Variants in GIT1 observed in about 807,000 individuals in gnomAD.
GIT1 encodes the protein ARF GTPase-activating protein GIT1.
GIT1 carries 14 observed loss-of-function variants against 91.7 expected under a neutral mutation model. The ratio of observed to expected loss-of-function variants is 0.15; its 90% CI spans 0.10 to 0.24. The LOEUF (loss-of-function observed/expected upper bound fraction) is 0.24. Among genes scored for constraint, GIT1 ranks in the 10% least tolerant of loss-of-function variants. GIT1 has a pLI of 1.00. For synonymous variants in GIT1, 414 were observed against 418.2 expected (o/e 0.99, Z 0.12); for missense variants, 717 against 1,024.9 (o/e 0.70, Z 4.10).
intron 8 of GIT1, 52 bp from the exon 9 acceptor site, chr17:29,578,423 C>T: frequency 3.3e-6 from 5 of 1,513,812 alleles, no homozygotes; most frequent in Non-Finnish European, 4.6e-6. Flanking sequence ...CTCCCAGTGC[C>T]AAGGCCAGCT....
intron 1 of GIT1, among the ~76,000 whole-genome samples, chr17:29,584,260 A>G (rs3115095): frequency 0.12 from 18,203 of 152,240 alleles, 1,414 homozygotes; most frequent in Non-Finnish European, 0.17. Context: ...AGGACATGCT[A>G]CCTCTGTGAT....
At position 29,574,303 on chromosome 17, in the gene GIT1, AG is replaced by A. The variant is rs2033102347; in HGVS notation, c.*398del. 1 of 243,156 alleles carries A rather than the reference AG, an allele frequency of 4.1e-6. No individual in the cohort carries two copies. The highest frequency in any genetic ancestry group is 5.2e-5 in the Admixed American group (1 of 19,328). 15.1% of individuals were successfully genotyped at this position (243,156 alleles called of 1,614,324 possible). On this transcript the variant is annotated 3_prime_UTR_variant, in exon 20 of 20. Transcript: ENST00000225394. ...TACAAAGGAGGGGATGCCCCCGCTCAGCCCCCAGTAGGGCTGAACTGGCTCA... is the reference window on the plus strand; with the variant it reads ...TACAAAGGAGGGGATGCCCCCGCTCACCCCCAGTAGGGCTGAACTGGCTCA...
chr17:29,579,692 C>T (rs2033332383), intron 7 of GIT1, among the ~76,000 whole-genome samples: 1 of 151,910 alleles, frequency 6.6e-6, no homozygotes, highest in Admixed American at 6.6e-5. Flanking sequence ...CACCGCACTC[C>T]AGCCTGGGCA....
At chr17:29,588,288 A>G (rs994460404) in intron 1 of GIT1, among the ~76,000 whole-genome samples, 4 of 152,162 alleles carry the variant, frequency 2.6e-5, no homozygotes, top group Non-Finnish European at 4.4e-5. Flanking sequence ...CTCCTTTGCT[A>G]AAGAAAGAAT....
chr17:29,586,269 A>G (rs952623796), intron 1 of GIT1, among the ~76,000 whole-genome samples: 2 of 152,196 alleles, frequency 1.3e-5, no homozygotes, highest in African/African-American at 4.8e-5. Context: ...ACAAATTCAT[A>G]AACTTTCTTA....
intron 1 of GIT1, among the ~76,000 whole-genome samples, chr17:29,586,347 C>T (rs1205344534): frequency 2.0e-5 from 3 of 152,012 alleles, no homozygotes; most frequent in African/African-American, 7.2e-5. Context: ...TTTAGCTCAC[C>T]AGCTATCATT....
At chr17:29,583,059 T>C in intron 2 of GIT1, 22 bp from the exon 3 acceptor site, 1 of 1,459,404 alleles carries the variant, frequency 6.9e-7, no homozygotes, top group Non-Finnish European at 9.6e-7. Flanking sequence ...AGATGCCAAG[T>C]GAGAGAGTGC....
rs1423897998 is a variant in GIT1, at chr17:29,581,143, G to A, written c.761+195C>T. On this transcript the variant is annotated intron_variant, in intron 7 of 19. Transcript: ENST00000225394. This position sits in a 1 kb window ranked among gnomAD's most constrained non-coding sequence, Gnocchi z 4.8. ...ACAGTCACGGGGCTCAGGCTATGCGGGCCACATATGGAGCTGACATTTTTT... is the reference window on the plus strand; with the variant it reads ...ACAGTCACGGGGCTCAGGCTATGCGAGCCACATATGGAGCTGACATTTTTT... 1.3e-5 allele frequency: 8 copies of A among 611,252 alleles called. No individual in the cohort carries two copies. Among genetic ancestry groups the A allele is most frequent in the East Asian group, 1.1e-4 (4 of 36,286 alleles). 37.9% of individuals were successfully genotyped at this position (611,252 alleles called of 1,614,324 possible).
Position 29,581,635 on chromosome 17 carries a change from C to T in GIT1, c.718+107G>A. 1.2e-6 allele frequency: 1 copy of T among 856,134 alleles called. No individual in the cohort carries two copies. Among genetic ancestry groups the T allele is most frequent in the Non-Finnish European group, 1.9e-6 (1 of 526,042 alleles). The allele number at this position is 856,134 out of a possible 1,614,324, so 53.0% of individuals were successfully genotyped here. On this transcript the variant is annotated intron_variant, in intron 6 of 19. Transcript: ENST00000225394. The surrounding 1 kb of genome is among the most constrained non-coding windows in gnomAD (Gnocchi z 4.8). Reference sequence around the variant, plus strand: ...AGCCAGTTGCCTAGCAACATTGCTCCCCAGCCGCTCTGTCACCATGGCACC... The same window carrying T: ...AGCCAGTTGCCTAGCAACATTGCTCTCCAGCCGCTCTGTCACCATGGCACC...
rs969674531 is a variant in GIT1, at chr17:29,574,826, G to T, written c.2162C>A (p.Pro721His). 1 of 1,609,970 alleles carries T rather than the reference G, an allele frequency of 6.2e-7. No homozygotes were observed. The highest frequency in any genetic ancestry group is 1.7e-5 in the Admixed American group (1 of 59,778). The change falls in exon 20 of 20, where the codon CCC (proline) becomes CAC (histidine). Residue 721 changes from proline (P) to histidine (H), a missense_variant. Around this residue, in one of 3 missense-constraint regions of GIT1, gnomAD observed 134 missense variants for 223.8 expected, o/e 0.60. Coordinates refer to ENST00000225394, the MANE Select transcript of GIT1 (RefSeq NM_014030.4). ...GTCCACTGGGGCGCCGGGCTCTGGG[G>T]GCACTGTCTTCCGGCACTCACTCTG... Reference protein sequence around the residue: ...RLQSECRKTVPPEPGAPVDFQ... With the variant: ...RLQSECRKTVHPEPGAPVDFQ...
chr17:29,577,270 C>A, intron 10 of GIT1, 23 bp from the exon 11 acceptor site: 4 of 1,601,554 alleles, frequency 2.5e-6, no homozygotes, highest in Non-Finnish European at 2.6e-6. Context: ...AAGGGCCAGG[C>A]TGGCTTCAGG....
Position 29,581,865 on chromosome 17 carries a change from G to A in GIT1, c.624-29C>T. On this transcript the variant is annotated intron_variant, in intron 5 of 19. Transcript: ENST00000225394. The surrounding 1 kb of genome is among the most constrained non-coding windows in gnomAD (Gnocchi z 4.8). ...TGAGGAGGGGGTATGGCTCAGACCT[G>A]CAGCAGCAGCCCTCACCCACACCCC... 1.2e-6 allele frequency: 2 copies of A among 1,609,558 alleles called. No individual in the cohort carries two copies. Among genetic ancestry groups the A allele is most frequent in the African/African-American group, 1.3e-5 (1 of 74,974 alleles).
intron 1 of GIT1, 153 bp from the exon 2 acceptor site, chr17:29,583,769 T>C: frequency 1.2e-6 from 1 of 829,478 alleles, no homozygotes; most frequent in Non-Finnish European, 1.8e-6. Context: ...TACGGCCAGG[T>C]TACCAGTGAG....
At chr17:29,588,632 G>A (rs1373840645) in intron 1 of GIT1, among the ~76,000 whole-genome samples, 6 of 152,084 alleles carry the variant, frequency 3.9e-5, no homozygotes, top group Admixed American at 3.9e-4. Context: ...AGGCCTTACC[G>A]GTGAACAGGA....
In GIT1 at chr17:29,575,510, T is replaced by C. The variant is rs529383600; in HGVS notation, c.1827-40A>G. Reference sequence around the variant, plus strand: ...CAGAAAACAGAGACAAAGATACATATAGAGAAAGACACGTTCCAGCCTCGG... The same window carrying C: ...CAGAAAACAGAGACAAAGATACATACAGAGAAAGACACGTTCCAGCCTCGG... On this transcript the variant is annotated intron_variant, in intron 17 of 19. Transcript: ENST00000225394. The surrounding 1 kb of genome is among the most constrained non-coding windows in gnomAD (Gnocchi z 5.5). 25 of 1,581,044 alleles carry C rather than the reference T, an allele frequency of 1.6e-5. No homozygotes were observed. The highest frequency in any genetic ancestry group is 1.4e-4 in the African/African-American group (10 of 73,880).
chr17:29,588,725 G>A (rs1406098401), intron 1 of GIT1, among the ~76,000 whole-genome samples: 2 of 152,194 alleles, frequency 1.3e-5, no homozygotes, highest in African/African-American at 4.8e-5. Flanking sequence ...GGTCTAGACT[G>A]GCCCTGAACG....
intron 13 of GIT1, 29 bp from the exon 14 acceptor site, chr17:29,576,479 T>C (rs186127440): frequency 2.4e-5 from 39 of 1,612,816 alleles, no homozygotes; most frequent in Non-Finnish European, 3.0e-5. Flanking sequence ...GTCAACCCCC[T>C]GGAGTCCTGG....
rs1388976273 is a variant in GIT1 at position 29,581,098 on chromosome 17, C to A, written c.761+240G>T. The A allele has an allele frequency of 5.3e-6, 3 of 568,308 alleles. No homozygotes were observed. The East Asian group carries it at 8.7e-5, about 16-fold the overall frequency. 35.2% of individuals were successfully genotyped at this position (568,308 alleles called of 1,614,324 possible). A position where few individuals can be genotyped will look rare whatever the true frequency, so the allele number is the denominator to read the frequency against. Reference sequence around the variant, plus strand: ...CCGGCCCACAGGTAGCTTCTCACACCCAAGCCCTCCATGTACTTGACAGTC... The same window carrying A: ...CCGGCCCACAGGTAGCTTCTCACACACAAGCCCTCCATGTACTTGACAGTC... On this transcript the variant is annotated intron_variant, in intron 7 of 19. Transcript: ENST00000225394. The surrounding 1 kb of genome is among the most constrained non-coding windows in gnomAD (Gnocchi z 4.8).
rs943173214 is a variant in GIT1, at chr17:29,583,768, G to A, written c.53-152C>T. The A allele has an allele frequency of 2.9e-5, 24 of 831,696 alleles. No individual in the cohort carries two copies. The African/African-American group carries it at 3.3e-4, about 11-fold the overall frequency. The allele number at this position is 831,696 out of a possible 1,614,324, so 51.5% of individuals were successfully genotyped here. ...GAGCTGGGACCATCACTACGGCCAG[G>A]TTACCAGTGAGGGATCTCCCCAAGA... On this transcript the variant is annotated intron_variant, in intron 1 of 19. Transcript: ENST00000225394.
Sources: allele counts gnomAD v4.1 joint callset (sites outside exome capture counted in the v4.1 genomes callset), GRCh38; gene constraint gnomAD v4.1.1; regional missense constraint gnomAD v4.1.1; non-coding constraint Gnocchi (gnomAD v3.1); transcripts MANE v1.5; gene names NCBI Gene and HGNC (gene_info 2026-07-23, HGNC 2026-07-21).